Variants in TMEM39A observed in about 807,000 individuals in gnomAD.
The protein encoded by TMEM39A is transmembrane protein 39A, also known as suppressor of SQST-1 aggregates in rpl-43 mutants.
TMEM39A carries 19 observed loss-of-function variants against 51.9 expected under a neutral mutation model. That is an observed-to-expected ratio of 0.37 (90% CI 0.26 to 0.54). The LOEUF (loss-of-function observed/expected upper bound fraction) is 0.54. Among genes scored for constraint, TMEM39A ranks in the 20% least tolerant of loss-of-function variants. TMEM39A has a pLI of 0.88. For missense variants in TMEM39A, 433 were observed against 590.5 expected (o/e 0.73, Z 2.76); for synonymous variants, 197 against 220.2 (o/e 0.89, Z 0.93).
At chr3:119,454,821 C>T (rs1258902736) in intron 3 of TMEM39A, among the ~76,000 whole-genome samples, 1 of 152,054 alleles carries the variant, frequency 6.6e-6, no homozygotes, top group Non-Finnish European at 1.5e-5. Context: ...GTGCCTAATA[C>T]ATCTTTTTGT....
At chr3:119,433,380 C>T (rs1577045709) in intron 8 of TMEM39A, among the ~76,000 whole-genome samples, 2 of 152,076 alleles carry the variant, frequency 1.3e-5, no homozygotes, top group Admixed American at 6.6e-5. Context: ...GATATAGGGG[C>T]CCTGAATCAC....
intron 3 of TMEM39A, among the ~76,000 whole-genome samples, chr3:119,453,587 TTTCTC>T (rs2081226482): frequency 6.6e-6 from 1 of 152,250 alleles, no homozygotes; most frequent in African/African-American, 2.4e-5. Context: ...GCTGTCCCCT[TTTCTC>T]TTTTCTTTCT....
At chr3:119,460,945 ATTT>A (rs959105625) in intron 2 of TMEM39A, among the ~76,000 whole-genome samples, 6 of 152,256 alleles carry the variant, frequency 3.9e-5, no homozygotes, top group Admixed American at 3.9e-4. Context: ...TCTCATTCTT[ATTT>A]TTAAGTATAT....
At position 119,434,783 on chromosome 3, in the gene TMEM39A, AT is replaced by A; in HGVS notation, c.1211del (p.Asp404ValfsTer15). ...MGPYNVAVPS[D>X]VSHARFYFLF... ...TTGCATAAAAGCGGGCATGAGATACATCTGAAGGCACTGCCACGTTGTAAGG... is the reference window on the plus strand; with the variant it reads ...TTGCATAAAAGCGGGCATGAGATACACTGAAGGCACTGCCACGTTGTAAGG... On this transcript the variant is annotated frameshift_variant, in exon 8 of 9. Transcript: ENST00000319172. LOFTEE classifies it high-confidence loss of function. 1 of 1,613,752 alleles carries A rather than the reference AT, an allele frequency of 6.2e-7. No individual in the cohort carries two copies.
intron 5 of TMEM39A, among the ~76,000 whole-genome samples, chr3:119,442,068 C>T (rs1449623058): frequency 6.6e-6 from 1 of 152,272 alleles, no homozygotes; most frequent in Admixed American, 6.5e-5. Context: ...CGGCTGGGTG[C>T]GGTGGCTCAC....
intron 1 of TMEM39A, 103 bp from the exon 2 acceptor site, chr3:119,462,251 T>A: frequency 1.8e-6 from 1 of 565,316 alleles, no homozygotes. Flanking sequence ...AATAAGATTT[T>A]CAAACGAATG....
chr3:119,440,192 G>C (rs1046090600), intron 5 of TMEM39A, among the ~76,000 whole-genome samples: 2 of 152,098 alleles, frequency 1.3e-5, no homozygotes, highest in African/African-American at 4.8e-5. Context: ...GGGGATAAGA[G>C]GCTGGAGTGT....
chr3:119,454,185 T>C (rs919270530), intron 3 of TMEM39A, among the ~76,000 whole-genome samples: 31 of 152,206 alleles, frequency 2.0e-4, no homozygotes, highest in Non-Finnish European at 4.1e-4. Flanking sequence ...GCTCTTGCTT[T>C]TAATTCGAGT....
chr3:119,436,692 A>T (rs2080972311), intron 7 of TMEM39A, 99 bp downstream of exon 7: 1 of 1,309,192 alleles, frequency 7.6e-7, no homozygotes, highest in Admixed American at 2.1e-5. Flanking sequence ...CTAAAAATTA[A>T]ATGTTCAAAG....
At position 119,438,059 on chromosome 3, in the gene TMEM39A, C is replaced by T; in HGVS notation, c.620G>A (p.Arg207Lys). 1.3e-6 allele frequency: 2 copies of T among 1,599,854 alleles called. No individual in the cohort carries two copies. The highest frequency in any genetic ancestry group is 1.1e-5 in the South Asian group (1 of 90,818). Residue 207 changes from arginine (R) to lysine (K), a missense_variant, in exon 6 of 9, where the codon AGA becomes AAA. Transcript: ENST00000319172. ...GTAGTCTGTGAGAAGAAGATGTGCT[C>T]TACTATCTTGATGAAAACAGCAAAG... ...VPLCCFHQDSRAHLLLTDYNY... is the reference protein window; with the variant it reads ...VPLCCFHQDSKAHLLLTDYNY...
At chr3:119,462,842 T>C (rs2081357637) in intron 1 of TMEM39A, among the ~76,000 whole-genome samples, 1 of 151,112 alleles carries the variant, frequency 6.6e-6, no homozygotes, top group Non-Finnish European at 1.5e-5. Context: ...CATACAGAAA[T>C]TACTGAAACT....
At chr3:119,456,179 G>A (rs535906183) in intron 3 of TMEM39A, among the ~76,000 whole-genome samples, 10 of 152,214 alleles carry the variant, frequency 6.6e-5, no homozygotes, top group African/African-American at 1.9e-4. Context: ...CTATATAGCT[G>A]TAAAAGGCCT....
intron 5 of TMEM39A, among the ~76,000 whole-genome samples, chr3:119,444,842 G>C (rs950399228): frequency 2.6e-5 from 4 of 152,138 alleles, no homozygotes; most frequent in African/African-American, 9.7e-5. Flanking sequence ...TAATGATTAA[G>C]ACAAAGACTC....
At chr3:119,463,252 G>A in intron 1 of TMEM39A, 84 bp downstream of exon 1, 1 of 242,884 alleles carries the variant, frequency 4.1e-6, no homozygotes. Flanking sequence ...CAGAAAGGTA[G>A]ACAAAGCAGT....
chr3:119,461,409 A>AT (rs2081335366), intron 2 of TMEM39A, among the ~76,000 whole-genome samples: 1 of 152,246 alleles, frequency 6.6e-6, no homozygotes, highest in Non-Finnish European at 1.5e-5. Context: ...TCAAGACAAG[A>AT]GAAAAACTTT....
chr3:119,436,934 A>G lies in TMEM39A; in HGVS notation c.969T>C (p.Ile323=). 6.2e-7 allele frequency: 1 copy of G among 1,613,980 alleles called. No individual in the cohort carries two copies. The highest frequency in any genetic ancestry group is 2.2e-5 in the East Asian group (1 of 44,874). The change falls in exon 7 of 9, where the codon ATT becomes ATC. Residue 323 remains isoleucine (I), a synonymous_variant. Transcript: ENST00000319172. ...TGACAAAAGCATTGATCCACACCATAATGAGGTGCTCACATGACCAGCGCA... is the reference window on the plus strand; with the variant it reads ...TGACAAAAGCATTGATCCACACCATGATGAGGTGCTCACATGACCAGCGCA... ...YDMRWSCEHL[I]MVWINAFVML... is the part of the protein sequence containing the mutation.
In TMEM39A at chr3:119,452,536, A is replaced by T. The variant is rs969134504; in HGVS notation, c.337-6T>A. On this transcript the variant is annotated splice_region_variant and splice_polypyrimidine_tract_variant and intron_variant, in intron 3 of 8. Transcript: ENST00000319172. ...TAATCAATGAGATGAAAATTCTACAACAGAAATAAATAACTACATCAGAAA... is the reference window on the plus strand; with the variant it reads ...TAATCAATGAGATGAAAATTCTACATCAGAAATAAATAACTACATCAGAAA... 1 of 1,609,828 alleles carries T rather than the reference A, an allele frequency of 6.2e-7. No homozygotes were observed. The highest frequency in any genetic ancestry group is 1.3e-5 in the African/African-American group (1 of 74,812).
intron 7 of TMEM39A, 90 bp from the exon 8 acceptor site, chr3:119,434,972 T>C: frequency 6.6e-7 from 1 of 1,509,914 alleles, no homozygotes; most frequent in Non-Finnish European, 8.9e-7. Context: ...ATGGAAGGAA[T>C]TAAATAATCA....
At chr3:119,436,566 GTGAC>G (rs1210188393) in intron 7 of TMEM39A, 1 of 464,758 alleles carries the variant, frequency 2.2e-6, no homozygotes, top group Non-Finnish European at 3.9e-6. Context: ...ACACACTAGA[GTGAC>G]TGGGCAGCTG....
Sources: gnomAD v4.1 joint callset for allele counts (sites outside exome capture counted in the v4.1 genomes callset) on GRCh38, gnomAD v4.1.1 for gene constraint, MANE v1.5 for transcripts, NCBI Gene and HGNC (gene_info 2026-07-23, HGNC 2026-07-21) for gene names.